PTPRM: variants seen among roughly 807,000 people sequenced by gnomAD.
PTPRM encodes protein tyrosine phosphatase receptor type M.
Under a neutral mutation model 186.7 loss-of-function variants are expected in PTPRM, and 47 were observed. The observed-to-expected ratio is 0.25, with a 90% CI of 0.20 to 0.32. PTPRM has a LOEUF of 0.32. Among genes scored for constraint, PTPRM ranks in the 10% least tolerant of loss-of-function variants. The pLI is 1.00. For missense variants in PTPRM, 1,494 were observed against 1,865.0 expected (o/e 0.80, Z 3.66); for synonymous variants, 668 against 674.9 (o/e 0.99, Z 0.16).
At chr18:8,280,771 C>T in intron 19 of PTPRM, among the ~76,000 whole-genome samples, 1 of 152,094 alleles carries the variant, frequency 6.6e-6, no homozygotes, top group South Asian at 2.1e-4. Flanking sequence ...CTGGAGGGAC[C>T]ACGCACAATG....
intron 1 of PTPRM, among the ~76,000 whole-genome samples, chr18:7,732,251 G>A (rs1206287405): frequency 6.6e-6 from 1 of 152,146 alleles, no homozygotes; most frequent in Non-Finnish European, 1.5e-5. Context: ...CTGAAGGGGT[G>A]AGTGATGAAC....
intron 14 of PTPRM, among the ~76,000 whole-genome samples, chr18:8,223,797 TG>T (rs981753234): frequency 6.6e-6 from 1 of 152,100 alleles, no homozygotes; most frequent in African/African-American, 2.4e-5. Flanking sequence ...TTTAATATGG[TG>T]GGGGGAGTGA....
chr18:8,226,094 A>G (rs951684206), intron 14 of PTPRM, among the ~76,000 whole-genome samples: 1 of 152,182 alleles, frequency 6.6e-6, no homozygotes, highest in Non-Finnish European at 1.5e-5. Context: ...CTTTTCACCC[A>G]TCAGATTGAG....
At chr18:8,151,840 C>T (rs977658096) in intron 14 of PTPRM, among the ~76,000 whole-genome samples, 9 of 152,026 alleles carry the variant, frequency 5.9e-5, no homozygotes, top group South Asian at 2.1e-4. Context: ...ATGGGAAAAG[C>T]GCAGTATCTG....
At chr18:8,398,791 T>A (rs1161939221) in intron 32 of PTPRM, among the ~76,000 whole-genome samples, 1 of 150,936 alleles carries the variant, frequency 6.6e-6, no homozygotes, top group Non-Finnish European at 1.5e-5. Flanking sequence ...AAAAAACTAT[T>A]AATTCAGTCA....
chr18:7,583,646 A>C (rs2036903063), intron 1 of PTPRM, among the ~76,000 whole-genome samples: 2 of 152,348 alleles, frequency 1.3e-5, no homozygotes, highest in Non-Finnish European at 2.9e-5. Flanking sequence ...TAGTGACTTG[A>C]CTGAAATTAA....
At chr18:7,575,018 C>A (rs986779827) in intron 1 of PTPRM, among the ~76,000 whole-genome samples, 7 of 152,116 alleles carry the variant, frequency 4.6e-5, no homozygotes, top group African/African-American at 1.7e-4. Context: ...GGCGACAGAG[C>A]GAGACTCCGT....
chr18:8,181,349 A>G (rs561689081), intron 14 of PTPRM, among the ~76,000 whole-genome samples: 2 of 152,202 alleles, frequency 1.3e-5, no homozygotes, highest in Non-Finnish European at 2.9e-5. Context: ...AAGCGTGGCA[A>G]TTGCTGGAGG....
At chr18:7,717,001 A>G (rs1206756437) in intron 1 of PTPRM, among the ~76,000 whole-genome samples, 2 of 152,204 alleles carry the variant, frequency 1.3e-5, no homozygotes, top group African/African-American at 2.4e-5. Context: ...TCATTCTACT[A>G]TAAAGACACA....
chr18:8,010,650 A>G (rs1407101546), intron 7 of PTPRM, among the ~76,000 whole-genome samples: 1 of 152,186 alleles, frequency 6.6e-6, no homozygotes, highest in Non-Finnish European at 1.5e-5. Flanking sequence ...GGAAGAGCCC[A>G]TGGACTTGGT....
chr18:8,125,542 T>A lies in PTPRM; in HGVS notation c.2167+10715T>A, dbSNP rs576308872. 1.3e-3 allele frequency among the ~76,000 whole-genome samples: 201 copies of A among 152,156 alleles called. 1 individual carries two copies. Among genetic ancestry groups the A allele is most frequent in the East Asian group, 3.3e-3 (17 of 5,150 alleles). ...TCTACATTATTCTTTTTCATTTTTTTAAAAAAAATTCTGGTTGCTGCCTTC... is the reference window on the plus strand; with the variant it reads ...TCTACATTATTCTTTTTCATTTTTTAAAAAAAAATTCTGGTTGCTGCCTTC... On this transcript the variant is annotated intron_variant, in intron 13 of 32. Transcript: ENST00000580170.
chr18:7,900,982 G>T (rs566520540), intron 3 of PTPRM, among the ~76,000 whole-genome samples: 1 of 152,124 alleles, frequency 6.6e-6, no homozygotes, highest in Non-Finnish European at 1.5e-5. Flanking sequence ...CACATCCCCA[G>T]ATCAATTTCT....
At chr18:7,842,490 G>T (rs559251920) in intron 2 of PTPRM, among the ~76,000 whole-genome samples, 1 of 152,126 alleles carries the variant, frequency 6.6e-6, no homozygotes, top group Non-Finnish European at 1.5e-5. Flanking sequence ...AGACGTTGCC[G>T]TGAAGATATT....
At chr18:8,272,558 G>T (rs2094785730) in intron 19 of PTPRM, among the ~76,000 whole-genome samples, 1 of 151,954 alleles carries the variant, frequency 6.6e-6, no homozygotes. Flanking sequence ...TTTGACCCAT[G>T]AATTATTTAG....
At chr18:8,164,444 C>A (rs1292450616) in intron 14 of PTPRM, among the ~76,000 whole-genome samples, 2 of 152,198 alleles carry the variant, frequency 1.3e-5, no homozygotes, top group Non-Finnish European at 2.9e-5. Flanking sequence ...TTAGAAGCAA[C>A]CAAGTGTCCT....
chr18:8,167,516 C>T (rs550796962), intron 14 of PTPRM, among the ~76,000 whole-genome samples: 161 of 152,338 alleles, frequency 1.1e-3, no homozygotes, highest in African/African-American at 3.8e-3. Flanking sequence ...TCCATTGTCA[C>T]TTGTTAGATT....
intron 13 of PTPRM, among the ~76,000 whole-genome samples, chr18:8,139,749 C>A (rs2092720563): frequency 6.6e-6 from 1 of 151,980 alleles, no homozygotes; most frequent in South Asian, 2.1e-4. Context: ...TCAGTAATTC[C>A]TTCTCCAATC....
chr18:7,738,597 G>C (rs1164299006), intron 1 of PTPRM, among the ~76,000 whole-genome samples: 2 of 127,612 alleles, frequency 1.6e-5, no homozygotes, highest in Non-Finnish European at 3.4e-5. Context: ...CACCACACCC[G>C]GCTATTTTTT....
At chr18:7,584,153 C>G (rs959607224) in intron 1 of PTPRM, among the ~76,000 whole-genome samples, 1 of 152,104 alleles carries the variant, frequency 6.6e-6, no homozygotes, top group African/African-American at 2.4e-5. Context: ...TCAAAATAAA[C>G]TGCATTAACA....
Sources: allele counts gnomAD v4.1 joint callset (sites outside exome capture counted in the v4.1 genomes callset), GRCh38; gene constraint gnomAD v4.1.1; transcripts MANE v1.5; gene names NCBI Gene and HGNC (gene_info 2026-07-23, HGNC 2026-07-21).